The following DLGAP2 variants were observed in gnomAD, a reference collection of about 807,000 sequenced individuals.
DLGAP2 encodes the protein DLG associated protein 2.
A neutral mutation model predicts 100.3 loss-of-function variants in DLGAP2; 26 were observed. The observed-to-expected ratio is 0.26, with a 90% CI of 0.19 to 0.36. The LOEUF (loss-of-function observed/expected upper bound fraction) is 0.36. Ranked by LOEUF, DLGAP2 falls within the 10% of genes least tolerant of loss-of-function variation. The pLI is 1.00. For synonymous variants in DLGAP2, 886 were observed against 630.1 expected (o/e 1.41, Z -6.08); for missense variants, 1,858 against 1,453.2 (o/e 1.28, Z -4.53).
At chr8:849,063 C>A (rs925182908) in intron 1 of DLGAP2, among the ~76,000 whole-genome samples, 7 of 151,670 alleles carry the variant, frequency 4.6e-5, no homozygotes, top group Admixed American at 4.6e-4. Context: ...TGTGCCGTGT[C>A]TGTTCCAGTA....
At chr8:1,624,020 A>G (rs769766841) in intron 6 of DLGAP2, among the ~76,000 whole-genome samples, 1 of 152,162 alleles carries the variant, frequency 6.6e-6, no homozygotes, top group Admixed American at 6.5e-5. Context: ...AGCCACTGCC[A>G]GAGTGATGAG....
rs75194304 is a variant in DLGAP2, at chr8:1,411,109, A to G, written c.107-90257A>G. On this transcript the variant is annotated intron_variant, in intron 3 of 14. Transcript: ENST00000637795. The stretch of plus-strand genomic sequence containing the variant: ...CGCCAGTTGTTCCTTTCAGGTATTC[A>G]GTCGTGGTCTCTTGTTCTGGAAACC... Among the ~76,000 whole-genome samples, 533 of 152,192 alleles carry G rather than the reference A, an allele frequency of 3.5e-3. 9 individuals carry two copies. In the East Asian group the frequency reaches 0.048, roughly 14 times the overall value.
intron 2 of DLGAP2, among the ~76,000 whole-genome samples, chr8:1,146,204 A>G (rs1445497695): frequency 1.3e-5 from 2 of 152,154 alleles, no homozygotes; most frequent in Non-Finnish European, 2.9e-5. Context: ...GCATCTTGTC[A>G]TGGTTTAATG....
intron 3 of DLGAP2, among the ~76,000 whole-genome samples, chr8:1,263,593 A>G (rs1585205005): frequency 1.3e-5 from 2 of 152,272 alleles, no homozygotes; most frequent in Non-Finnish European, 2.9e-5. Context: ...TTTCCCCACA[A>G]GTGACTCGAA....
At chr8:1,460,849 G>A (rs1044581023) in intron 3 of DLGAP2, among the ~76,000 whole-genome samples, 1 of 152,172 alleles carries the variant, frequency 6.6e-6, no homozygotes, top group African/African-American at 2.4e-5. Context: ...TACTCATCTG[G>A]GTGGCCAGTG....
At chr8:741,160 G>C (rs904776524) in intron 1 of DLGAP2, among the ~76,000 whole-genome samples, 1 of 152,218 alleles carries the variant, frequency 6.6e-6, no homozygotes, top group African/African-American at 2.4e-5. Flanking sequence ...TGAGCATAGT[G>C]ATTTCACGTG....
chr8:1,559,910 C>G (rs1802102528), intron 5 of DLGAP2, among the ~76,000 whole-genome samples: 1 of 152,180 alleles, frequency 6.6e-6, no homozygotes, highest in Non-Finnish European at 1.5e-5. Context: ...GGACCTCACC[C>G]CAGGACCTTT....
At chr8:1,330,810 T>A (rs1384562646) in intron 3 of DLGAP2, among the ~76,000 whole-genome samples, 6 of 130,714 alleles carry the variant, frequency 4.6e-5, no homozygotes, top group Admixed American at 7.7e-5. Context: ...GGGGACCGAG[T>A]TCTGGGTGGG....
intron 4 of DLGAP2, among the ~76,000 whole-genome samples, chr8:1,518,539 AG>A (rs1800473583): frequency 6.6e-6 from 1 of 152,198 alleles, no homozygotes; most frequent in Admixed American, 6.5e-5. Flanking sequence ...TCCAGTTTTT[AG>A]ATGAAGAAAT....
chr8:786,331 C>A (rs1207169871), intron 1 of DLGAP2, among the ~76,000 whole-genome samples: 1 of 152,166 alleles, frequency 6.6e-6, no homozygotes, highest in Non-Finnish European at 1.5e-5. Context: ...GTCCGGGCTC[C>A]CACTTCTCGC....
chr8:1,212,364 C>T (rs1367546085), intron 2 of DLGAP2, among the ~76,000 whole-genome samples: 1 of 152,174 alleles, frequency 6.6e-6, no homozygotes, highest in Non-Finnish European at 1.5e-5. Flanking sequence ...GGCTGAGACC[C>T]ATGGAGCATT....
intron 2 of DLGAP2, among the ~76,000 whole-genome samples, chr8:1,039,117 C>T (rs1321827453): frequency 1.3e-5 from 2 of 151,746 alleles, no homozygotes; most frequent in Admixed American, 6.6e-5. Flanking sequence ...TGGTTGGTTG[C>T]GTTGAGGGAG....
At chr8:1,315,215 G>C (rs1446408153) in intron 3 of DLGAP2, among the ~76,000 whole-genome samples, 1 of 152,214 alleles carries the variant, frequency 6.6e-6, no homozygotes, top group Non-Finnish European at 1.5e-5. Context: ...TTTAAAAATA[G>C]AGCGTGTGCA....
chr8:1,233,871 T>A (rs1798588513), intron 2 of DLGAP2, among the ~76,000 whole-genome samples: 1 of 152,202 alleles, frequency 6.6e-6, no homozygotes, highest in African/African-American at 2.4e-5. Flanking sequence ...CCTCTACACA[T>A]GATAGTGTCA....
chr8:881,307 C>T (rs1254841934), intron 1 of DLGAP2, among the ~76,000 whole-genome samples: 1 of 152,138 alleles, frequency 6.6e-6, no homozygotes, highest in East Asian at 1.9e-4. Flanking sequence ...ATTTATTCCT[C>T]AGTTTTATGT....
intron 4 of DLGAP2, among the ~76,000 whole-genome samples, chr8:1,539,982 C>T (rs562801906): frequency 6.6e-6 from 1 of 152,190 alleles, no homozygotes; most frequent in African/African-American, 2.4e-5. Context: ...GACTCAGAAG[C>T]CCAGCAAAGT....
intron 2 of DLGAP2, among the ~76,000 whole-genome samples, chr8:914,639 C>T (rs923057658): frequency 1.3e-5 from 2 of 152,144 alleles, no homozygotes; most frequent in African/African-American, 4.8e-5. Flanking sequence ...AAGGATTGCA[C>T]GGTTATAGAT....
intron 2 of DLGAP2, among the ~76,000 whole-genome samples, chr8:1,077,919 G>T (rs1044573891): frequency 1.3e-5 from 2 of 152,200 alleles, no homozygotes; most frequent in Admixed American, 6.5e-5. Flanking sequence ...CCGCCGCACA[G>T]CCCTGATTCT....
chr8:988,992 C>T (rs1800570676), intron 2 of DLGAP2, among the ~76,000 whole-genome samples: 1 of 152,210 alleles, frequency 6.6e-6, no homozygotes, highest in African/African-American at 2.4e-5. Flanking sequence ...TCGCTGCCTG[C>T]ACTGCCTCCG....
Sources: allele counts gnomAD v4.1 joint callset (sites outside exome capture counted in the v4.1 genomes callset), GRCh38; gene constraint gnomAD v4.1.1; transcripts MANE v1.5; gene names NCBI Gene and HGNC (gene_info 2026-07-23, HGNC 2026-07-21).